PTPRD: variants seen among roughly 807,000 people sequenced by gnomAD.
PTPRD encodes protein tyrosine phosphatase receptor type D.
PTPRD carries 34 observed loss-of-function variants against 214.5 expected under a neutral mutation model. That is an observed-to-expected ratio of 0.16 (90% CI 0.12 to 0.21). The LOEUF is 0.21. PTPRD is among the 10% of genes least tolerant of loss of function. The pLI, the probability that PTPRD is intolerant of heterozygous loss-of-function variation, is 1.00. For synonymous variants in PTPRD, 1,128 were observed against 845.7 expected, an observed-to-expected ratio of 1.33 and a Z score of -5.79; for missense variants, 2,545 against 2,398.7, an observed-to-expected ratio of 1.06 and a Z score of -1.27.
chr9:9,081,112 G>T (rs1489929276), intron 10 of PTPRD, among the ~76,000 whole-genome samples: 1 of 152,014 alleles, frequency 6.6e-6, no homozygotes, highest in Non-Finnish European at 1.5e-5. Flanking sequence ...GATCTTTCCT[G>T]CTTTCTCCTG....
chr9:10,566,218 A>G (rs1413232211), intron 2 of PTPRD, among the ~76,000 whole-genome samples: 1 of 151,986 alleles, frequency 6.6e-6, no homozygotes, highest in Admixed American at 6.6e-5. Flanking sequence ...GATGATGAAC[A>G]ATGCTTCTGT....
At chr9:9,937,679 C>T (rs1337267946) in intron 5 of PTPRD, among the ~76,000 whole-genome samples, 2 of 152,014 alleles carry the variant, frequency 1.3e-5, no homozygotes, top group African/African-American at 4.8e-5. Flanking sequence ...AGCATTTGTC[C>T]TAGTACTGTT....
intron 9 of PTPRD, among the ~76,000 whole-genome samples, chr9:9,355,104 T>C (rs1176337167): frequency 1.3e-5 from 2 of 151,768 alleles, no homozygotes; most frequent in African/African-American, 2.4e-5. Context: ...ATGAGTTGTA[T>C]ACAATTTGGT....
chr9:9,273,424 T>C (rs1360971492), intron 9 of PTPRD, among the ~76,000 whole-genome samples: 1 of 151,282 alleles, frequency 6.6e-6, no homozygotes, highest in Non-Finnish European at 1.5e-5. Flanking sequence ...TATGTATATA[T>C]ACATACATAT....
At chr9:9,881,266 C>T (rs1184482357) in intron 5 of PTPRD, among the ~76,000 whole-genome samples, 1 of 152,068 alleles carries the variant, frequency 6.6e-6, no homozygotes, top group Non-Finnish European at 1.5e-5. Flanking sequence ...CTTTTGGATA[C>T]ATATCTACAA....
chr9:8,798,383 A>G (rs947670072), intron 11 of PTPRD, among the ~76,000 whole-genome samples: 3 of 152,328 alleles, frequency 2.0e-5, no homozygotes, highest in Admixed American at 2.0e-4. Flanking sequence ...AATGCAGATA[A>G]TACTGCTTTC....
chr9:8,658,965 T>C (rs1469988613), intron 12 of PTPRD, among the ~76,000 whole-genome samples: 2 of 152,156 alleles, frequency 1.3e-5, no homozygotes, highest in African/African-American at 2.4e-5. Flanking sequence ...ACATAGCATC[T>C]CCTCTAATCG....
intron 7 of PTPRD, among the ~76,000 whole-genome samples, chr9:9,706,835 G>C (rs1186957739): frequency 6.6e-6 from 1 of 152,008 alleles, no homozygotes; most frequent in Non-Finnish European, 1.5e-5. Flanking sequence ...GTTTGGGGTG[G>C]GAATGGGGCG....
intron 11 of PTPRD, among the ~76,000 whole-genome samples, chr9:8,793,970 C>T (rs574827255): frequency 1.3e-5 from 2 of 152,270 alleles, no homozygotes; most frequent in South Asian, 2.1e-4. Context: ...AGAAGTTCTT[C>T]GATTCCCTGC....
rs965401448 is a variant in PTPRD, at chr9:8,676,451, C to T, written c.65-39607G>A. On this transcript the variant is annotated intron_variant, in intron 12 of 45. Coordinates refer to ENST00000381196, the MANE Select transcript of PTPRD (RefSeq NM_002839.4). ...AGGCTGTGGTGCAGTGGTGTGATCT[C>T]GGCTCACTACAACCTCCGCCGCCCA... Among the ~76,000 whole-genome samples the T allele has an allele frequency of 6.3e-5, 9 of 143,304 alleles. No individual in the cohort carries two copies. In the South Asian group the frequency reaches 1.8e-3, roughly 28 times the overall value. The allele number at this position is 143,304 out of a possible 152,430, so 94.0% of individuals were successfully genotyped here.
At chr9:9,293,386 G>GTTTTTTTTTTT (rs137924508) in intron 9 of PTPRD, among the ~76,000 whole-genome samples, 1 of 138,400 alleles carries the variant, frequency 7.2e-6, no homozygotes, top group Non-Finnish European at 1.6e-5. Flanking sequence ...TTGTTTGTTT[G>GTTTTTTTTTTT]TTCTTTTTTT....
chr9:8,378,131 C>T (rs11999789), intron 37 of PTPRD, among the ~76,000 whole-genome samples: 4,573 of 152,122 alleles, frequency 0.03, 228 homozygotes, highest in African/African-American at 0.1. Flanking sequence ...AAATTGTCCA[C>T]AGTAAGACAA....
chr9:9,619,340 G>A (rs80141049), intron 7 of PTPRD, among the ~76,000 whole-genome samples: 1 of 151,910 alleles, frequency 6.6e-6, no homozygotes, highest in African/African-American at 2.4e-5. Context: ...AAACTCTCAA[G>A]AAGGGAGAAA....
chr9:10,562,222 A>G (rs956163552), intron 2 of PTPRD, among the ~76,000 whole-genome samples: 2 of 151,992 alleles, frequency 1.3e-5, no homozygotes, highest in Non-Finnish European at 2.9e-5. Context: ...CTTTTTACCT[A>G]TGTACTATGA....
chr9:9,153,676 T>C (rs2099878779), intron 10 of PTPRD, among the ~76,000 whole-genome samples: 1 of 152,198 alleles, frequency 6.6e-6, no homozygotes, highest in Admixed American at 6.5e-5. Context: ...AAAACACGTC[T>C]TTCTAATATG....
chr9:9,144,612 G>A (rs2099865551), intron 10 of PTPRD, among the ~76,000 whole-genome samples: 1 of 152,004 alleles, frequency 6.6e-6, no homozygotes, highest in South Asian at 2.1e-4. Flanking sequence ...AATTAGCTGG[G>A]TGTGGTGGCA....
At chr9:9,426,644 G>A (rs2081047505) in intron 8 of PTPRD, among the ~76,000 whole-genome samples, 1 of 152,178 alleles carries the variant, frequency 6.6e-6, no homozygotes, top group Non-Finnish European at 1.5e-5. Context: ...CGCCTAACTG[G>A]AAGGCACCTC....
chr9:9,056,441 G>A (rs1434056920), intron 10 of PTPRD, among the ~76,000 whole-genome samples: 2 of 152,180 alleles, frequency 1.3e-5, no homozygotes, highest in African/African-American at 2.4e-5. Flanking sequence ...TGTGAAGTAA[G>A]TGCTGACCAC....
At chr9:9,774,710 T>A (rs1450369458) in intron 5 of PTPRD, among the ~76,000 whole-genome samples, 1 of 152,204 alleles carries the variant, frequency 6.6e-6, no homozygotes, top group Non-Finnish European at 1.5e-5. Flanking sequence ...ATAGAAGCCT[T>A]GAGGGAGTTA....
Sources: gnomAD v4.1 joint callset for allele counts (sites outside exome capture counted in the v4.1 genomes callset) on GRCh38, gnomAD v4.1.1 for gene constraint, MANE v1.5 for transcripts, NCBI Gene and HGNC (gene_info 2026-07-23, HGNC 2026-07-21) for gene names.